Variants in WWP1 observed in about 807,000 individuals in gnomAD.
WWP1 encodes NEDD4-like E3 ubiquitin-protein ligase WWP1.
WWP1 carries 49 observed loss-of-function variants against 130.6 expected under a neutral mutation model. The ratio of observed to expected loss-of-function variants is 0.38; its 90% CI spans 0.30 to 0.48. The LOEUF (loss-of-function observed/expected upper bound fraction) is 0.48. Among genes scored for constraint, WWP1 ranks in the 20% least tolerant of loss-of-function variants. The pLI, the probability that WWP1 is intolerant of heterozygous loss-of-function variation, is 0.99. For missense variants in WWP1, 809 were observed against 1,100.6 expected (o/e 0.74, Z 3.75); for synonymous variants, 332 against 367.8 (o/e 0.90, Z 1.11).
At chr8:86,447,075 A>G (rs147036968) in intron 18 of WWP1, among the ~76,000 whole-genome samples, 6 of 152,264 alleles carry the variant, frequency 3.9e-5, no homozygotes, top group African/African-American at 1.4e-4. Flanking sequence ...TGCAGTAGGG[A>G]AATGTGATTA....
At chr8:86,459,023 C>CT (rs71275853) in intron 22 of WWP1, among the ~76,000 whole-genome samples, 1,149 of 84,212 alleles carry the variant, frequency 0.014, 22 homozygotes, top group African/African-American at 0.025. Context: ...TTTCTTTTTT[C>CT]TTTTTTTTTT....
chr8:86,456,995 A>G (rs1811483318), intron 21 of WWP1, among the ~76,000 whole-genome samples: 1 of 152,000 alleles, frequency 6.6e-6, no homozygotes. Context: ...CAAAAAGGGG[A>G]TGATGATTTT....
At chr8:86,440,736 A>G (rs1170316643) in intron 17 of WWP1, 2 of 448,102 alleles carry the variant, frequency 4.5e-6, no homozygotes, top group Non-Finnish European at 8.9e-6. Flanking sequence ...AGTCATGGGT[A>G]TGTGGAATCT....
intron 20 of WWP1, among the ~76,000 whole-genome samples, chr8:86,449,365 T>A (rs1248612463): frequency 6.6e-6 from 1 of 152,238 alleles, no homozygotes; most frequent in Admixed American, 6.5e-5. Context: ...ACAGGCACAT[T>A]TCTTATTGCA....
At chr8:86,389,679 C>T (rs1825508705) in intron 5 of WWP1, among the ~76,000 whole-genome samples, 1 of 152,242 alleles carries the variant, frequency 6.6e-6, no homozygotes, top group South Asian at 2.1e-4. Context: ...GTACACCTCC[C>T]AGACGGGGTG....
At chr8:86,440,867 C>A (rs1220898921) in intron 17 of WWP1, 2 of 253,004 alleles carry the variant, frequency 7.9e-6, no homozygotes, top group Admixed American at 5.1e-5. Context: ...TACTGCCCTA[C>A]GTTTTGCTGC....
rs779282728 is a variant in WWP1 at position 86,402,157 on chromosome 8, T to C, written c.678T>C (p.Asn226=). ...SPSQVAARPK[N]TPAPKPLASE... ...CTCAGGTTGCTGCCAGACCCAAAAA[T>C]ACACCAGCTCCAAAACCACTCGCAT... The change falls in exon 8 of 25, where the codon AAT becomes AAC. Residue 226 remains asparagine, a synonymous_variant. Transcript: ENST00000517970. 53 of 1,613,946 alleles carry C rather than the reference T, an allele frequency of 3.3e-5. No homozygotes were observed. Among genetic ancestry groups the C allele is most frequent in the Middle Eastern group, 1.6e-4 (1 of 6,084 alleles).
intron 2 of WWP1, among the ~76,000 whole-genome samples, chr8:86,373,633 G>A (rs557270999): frequency 1.1e-3 from 168 of 152,140 alleles, no homozygotes; most frequent in African/African-American, 3.9e-3. Context: ...GTTGCTCTTC[G>A]TCTTAGGTAC....
chr8:86,366,132 C>G (rs948325260), intron 1 of WWP1, among the ~76,000 whole-genome samples: 1 of 152,178 alleles, frequency 6.6e-6, no homozygotes, highest in Non-Finnish European at 1.5e-5. Context: ...GACTGTAGTT[C>G]CTGAGTTAAG....
At chr8:86,363,633 C>T (rs1823796364) in intron 1 of WWP1, among the ~76,000 whole-genome samples, 1 of 151,900 alleles carries the variant, frequency 6.6e-6, no homozygotes. Flanking sequence ...GAAACCCCGT[C>T]TCTACGAAAA....
At chr8:86,443,071 GA>G (rs951890151) in intron 18 of WWP1, among the ~76,000 whole-genome samples, 3 of 151,928 alleles carry the variant, frequency 2.0e-5, no homozygotes, top group African/African-American at 4.8e-5. Flanking sequence ...ATTTTTAATA[GA>G]AAAAATTTTA....
At chr8:86,430,623 A>G (rs1299214523) in intron 11 of WWP1, 74 bp from the exon 12 acceptor site, 1 of 1,243,784 alleles carries the variant, frequency 8.0e-7, no homozygotes, top group Non-Finnish European at 1.1e-6. Context: ...ATTCTGCCAC[A>G]TGCTTGGCTT....
intron 2 of WWP1, among the ~76,000 whole-genome samples, chr8:86,372,321 C>G (rs1824364896): frequency 6.6e-6 from 1 of 152,086 alleles, no homozygotes; most frequent in Admixed American, 6.5e-5. Context: ...CGCGCCCGGC[C>G]TAATTTTTGT....
chr8:86,360,513 C>T (rs1823529850), intron 1 of WWP1, among the ~76,000 whole-genome samples: 1 of 152,164 alleles, frequency 6.6e-6, no homozygotes, highest in South Asian at 2.1e-4. Flanking sequence ...ATGCAGTAGG[C>T]CTTTCCTGAG....
intron 7 of WWP1, among the ~76,000 whole-genome samples, chr8:86,398,970 C>T (rs1399310059): frequency 6.6e-6 from 1 of 152,150 alleles, no homozygotes; most frequent in Admixed American, 6.5e-5. Flanking sequence ...TAGTCACTCT[C>T]CATTTTTCCC....
chr8:86,353,960 A>C lies in WWP1; in HGVS notation c.-115+11030A>C, dbSNP rs373284446. Among the ~76,000 whole-genome samples, 6 of 152,212 alleles carry C rather than the reference A, an allele frequency of 3.9e-5. No homozygotes were observed. The East Asian group carries it at 9.6e-4, about 24-fold the overall frequency. On this transcript the variant is annotated intron_variant, in intron 1 of 24. Transcript: ENST00000517970. ...GGGAATACCATTTTTCTAGGTTAAA[A>C]ATTTTGGTAATTGTAACTTGTTTTA...
chr8:86,462,693 G>A (rs761872936), intron 24 of WWP1, among the ~76,000 whole-genome samples: 2 of 152,130 alleles, frequency 1.3e-5, no homozygotes, highest in Non-Finnish European at 2.9e-5. Context: ...CTAGAGATAG[G>A]TGATTCTTTC....
intron 1 of WWP1, among the ~76,000 whole-genome samples, chr8:86,345,599 A>T (rs1192684780): frequency 1.3e-5 from 2 of 150,506 alleles, no homozygotes; most frequent in African/African-American, 4.9e-5. Context: ...TTTTTTAGAG[A>T]TGGGGTCTCA....
At chr8:86,378,951 T>C (rs1824825083) in intron 3 of WWP1, among the ~76,000 whole-genome samples, 1 of 152,214 alleles carries the variant, frequency 6.6e-6, no homozygotes, top group East Asian at 1.9e-4. Context: ...GTTCTTCTGA[T>C]TTTTCAAGTA....
Sources: allele counts gnomAD v4.1 joint callset (sites outside exome capture counted in the v4.1 genomes callset), GRCh38; gene constraint gnomAD v4.1.1; transcripts MANE v1.5; gene names NCBI Gene and HGNC (gene_info 2026-07-23, HGNC 2026-07-21).